Variants in NRG3 observed in about 807,000 individuals in gnomAD.
NRG3 encodes the protein neuregulin 3.
Under a neutral mutation model 66.9 loss-of-function variants are expected in NRG3, and 31 were observed. The ratio of observed to expected loss-of-function variants is 0.46; its 90% CI spans 0.35 to 0.63. The LOEUF is 0.63. Ranked by LOEUF, NRG3 falls within the 20% of genes least tolerant of loss-of-function variation. The pLI, the probability that NRG3 is intolerant of heterozygous loss-of-function variation, is 0.00. For synonymous variants in NRG3, 393 were observed against 359.4 expected (o/e 1.09, Z -1.06); for missense variants, 910 against 878.9 (o/e 1.04, Z -0.45).
At chr10:81,879,084 G>T (rs1256254652) in intron 1 of NRG3, among the ~76,000 whole-genome samples, 1 of 152,200 alleles carries the variant, frequency 6.6e-6, no homozygotes, top group East Asian at 1.9e-4. Flanking sequence ...AGGAGGGTTT[G>T]CAAGTTGATT....
chr10:82,968,746 A>G (rs1851448535), intron 6 of NRG3, among the ~76,000 whole-genome samples: 2 of 152,182 alleles, frequency 1.3e-5, no homozygotes, highest in Non-Finnish European at 2.9e-5. Flanking sequence ...TGCATGCTCC[A>G]GAAATAGTTG....
chr10:82,397,275 C>T (rs1025524931), intron 2 of NRG3, among the ~76,000 whole-genome samples: 1 of 152,140 alleles, frequency 6.6e-6, no homozygotes, highest in Non-Finnish European at 1.5e-5. Flanking sequence ...ATCTGGTTTG[C>T]CAGACCTCAT....
chr10:82,464,077 A>G (rs1316652748), intron 2 of NRG3, among the ~76,000 whole-genome samples: 2 of 152,170 alleles, frequency 1.3e-5, no homozygotes, highest in Non-Finnish European at 2.9e-5. Context: ...AGTCTTATGA[A>G]TCAGGTGGGG....
At chr10:82,711,097 G>A (rs10885242) in intron 2 of NRG3, among the ~76,000 whole-genome samples, 33,833 of 152,030 alleles carry the variant, frequency 0.22, 4,004 homozygotes, top group Middle Eastern at 0.36. Flanking sequence ...TAATTAATTA[G>A]AGACAGGGTC....
intron 1 of NRG3, among the ~76,000 whole-genome samples, chr10:82,193,467 T>C (rs2074274431): frequency 6.6e-6 from 1 of 151,534 alleles, no homozygotes; most frequent in African/African-American, 2.4e-5. Context: ...ATAAAAAGTC[T>C]ATTCTGACTG....
chr10:82,304,932 T>A (rs1187130200), intron 1 of NRG3, among the ~76,000 whole-genome samples: 1 of 151,856 alleles, frequency 6.6e-6, no homozygotes, highest in East Asian at 1.9e-4. Flanking sequence ...ACAGATCTTC[T>A]TGAAATTTCT....
chr10:82,054,346 G>A (rs764850036), intron 1 of NRG3, among the ~76,000 whole-genome samples: 3 of 152,118 alleles, frequency 2.0e-5, no homozygotes, highest in Non-Finnish European at 4.4e-5. Context: ...GGAAGTGACA[G>A]GATTTGCTCA....
chr10:81,929,203 G>T (rs561432041), intron 1 of NRG3, among the ~76,000 whole-genome samples: 3 of 152,122 alleles, frequency 2.0e-5, no homozygotes, highest in African/African-American at 7.2e-5. Context: ...GTCAATTATG[G>T]TGAACAACCT....
chr10:82,395,879 T>A (rs557352307), intron 2 of NRG3, among the ~76,000 whole-genome samples: 1 of 152,256 alleles, frequency 6.6e-6, no homozygotes, highest in East Asian at 1.9e-4. Flanking sequence ...TGTCAAAACA[T>A]TGAAAATGCT....
chr10:82,224,694 G>A (rs1025321577), intron 1 of NRG3, among the ~76,000 whole-genome samples: 1 of 152,074 alleles, frequency 6.6e-6, no homozygotes, highest in Non-Finnish European at 1.5e-5. Context: ...ACCACACCAG[G>A]AAAATTACTA....
chr10:82,074,211 G>T (rs1179060575), intron 1 of NRG3, among the ~76,000 whole-genome samples: 2 of 152,142 alleles, frequency 1.3e-5, no homozygotes, highest in East Asian at 1.9e-4. Flanking sequence ...CTGGGGTGGG[G>T]TGTTCCACGT....
At chr10:82,398,499 G>A (rs1027150015) in intron 2 of NRG3, among the ~76,000 whole-genome samples, 180 of 140,590 alleles carry the variant, frequency 1.3e-3, no homozygotes, top group African/African-American at 4.5e-3. Context: ...GTATGTGTGT[G>A]TGTGTGTGTG....
chr10:82,089,705 G>A (rs979178439), intron 1 of NRG3, among the ~76,000 whole-genome samples: 6 of 152,164 alleles, frequency 3.9e-5, no homozygotes, highest in African/African-American at 9.7e-5. Flanking sequence ...AGATGATCAA[G>A]CTGCAAACTG....
At chr10:82,015,185 A>C (rs914157262) in intron 1 of NRG3, among the ~76,000 whole-genome samples, 1 of 152,202 alleles carries the variant, frequency 6.6e-6, no homozygotes, top group Non-Finnish European at 1.5e-5. Flanking sequence ...GCGCAAATGT[A>C]AAAATTCTTA....
chr10:82,945,073 C>A (rs1295435254), intron 4 of NRG3, among the ~76,000 whole-genome samples: 1 of 152,158 alleles, frequency 6.6e-6, no homozygotes, highest in Non-Finnish European at 1.5e-5. Context: ...ATTTTGGGAG[C>A]ACCCCAGAAA....
chr10:82,114,525 G>A lies in NRG3; in HGVS notation c.823+238362G>A, dbSNP rs534158428. On this transcript the variant is annotated intron_variant, in intron 1 of 8. Transcript: ENST00000372141. ...GAAAAGAGGGGTAGTAAACAAACACGTATACACACACATGCTTGCACAAGC... is the reference window on the plus strand; with the variant it reads ...GAAAAGAGGGGTAGTAAACAAACACATATACACACACATGCTTGCACAAGC... Among the ~76,000 whole-genome samples, 18 of 152,130 alleles carry A rather than the reference G, an allele frequency of 1.2e-4. No homozygotes were observed. In the Middle Eastern group the frequency reaches 0.014, roughly 115 times the overall value.
chr10:82,783,293 G>A (rs1363678907), intron 3 of NRG3, among the ~76,000 whole-genome samples: 4 of 150,682 alleles, frequency 2.7e-5, no homozygotes, highest in Non-Finnish European at 5.9e-5. Flanking sequence ...TTGAAAACTG[G>A]CACAAGACAG....
intron 2 of NRG3, among the ~76,000 whole-genome samples, chr10:82,400,155 A>C (rs189483913): frequency 6.6e-6 from 1 of 152,310 alleles, no homozygotes; most frequent in African/African-American, 2.4e-5. Context: ...GATGCAGTTC[A>C]GAGAATTTAA....
intron 1 of NRG3, among the ~76,000 whole-genome samples, chr10:82,059,448 A>G (rs2064018571): frequency 6.6e-6 from 1 of 152,158 alleles, no homozygotes; most frequent in African/African-American, 2.4e-5. Context: ...GGAGGTGACT[A>G]AGCTTTTTTC....
Sources: allele counts gnomAD v4.1 joint callset (sites outside exome capture counted in the v4.1 genomes callset), GRCh38; gene constraint gnomAD v4.1.1; transcripts MANE v1.5; gene names NCBI Gene and HGNC (gene_info 2026-07-23, HGNC 2026-07-21).